Variants in EIF2AK4 observed in about 807,000 individuals in gnomAD.
EIF2AK4 encodes the protein eukaryotic translation initiation factor 2 alpha kinase 4.
EIF2AK4 carries 139 observed loss-of-function variants against 211.1 expected under a neutral mutation model. That is an observed-to-expected ratio of 0.66 (90% CI 0.57 to 0.76). EIF2AK4 has a LOEUF of 0.76. Ranked by LOEUF, EIF2AK4 falls within the 30% of genes least tolerant of loss-of-function variation. The probability of loss-of-function intolerance (pLI) is 0.00; values close to 1 mark genes in which losing one functional copy is unlikely to be tolerated. For missense variants in EIF2AK4, 1,664 were observed against 2,043.8 expected (o/e 0.81, Z 3.58); for synonymous variants, 710 against 751.3 (o/e 0.94, Z 0.90).
chr15:39,976,335 T>C (rs1002940480), intron 11 of EIF2AK4, 79 bp from the exon 12 acceptor site: 2 of 1,452,858 alleles, frequency 1.4e-6, no homozygotes, highest in African/African-American at 2.9e-5. Flanking sequence ...ACGCTTTCCT[T>C]GGGAGGGGAT....
chr15:39,960,163 CAA>C (rs926246870), intron 6 of EIF2AK4, among the ~76,000 whole-genome samples: 7 of 46,462 alleles, frequency 1.5e-4, no homozygotes, highest in Non-Finnish European at 9.3e-5. Context: ...GACTCCATCT[CAA>C]AAAAAAAAAA....
intron 22 of EIF2AK4, 122 bp downstream of exon 22, chr15:40,002,910 A>G (rs976251368): frequency 1.1e-4 from 130 of 1,143,214 alleles, no homozygotes; most frequent in Middle Eastern, 7.3e-4. Context: ...AATAATTGAC[A>G]TCATATGGAA....
chr15:39,970,096 G>A (rs977438002), intron 9 of EIF2AK4, among the ~76,000 whole-genome samples: 1 of 152,214 alleles, frequency 6.6e-6, no homozygotes, highest in African/African-American at 2.4e-5. Flanking sequence ...CTGGCACTTG[G>A]CCCAGACTGA....
chr15:39,982,616 A>G (rs112959206), intron 13 of EIF2AK4, among the ~76,000 whole-genome samples: 8,754 of 119,506 alleles, frequency 0.073, 433 homozygotes, highest in East Asian at 0.32. Context: ...GTTACATAGT[A>G]CACATGTGCC....
intron 33 of EIF2AK4, among the ~76,000 whole-genome samples, chr15:40,027,613 G>A (rs113735642): frequency 0.013 from 2,013 of 152,236 alleles, 42 homozygotes; most frequent in African/African-American, 0.047. Context: ...TTTTGTGGCC[G>A]GGCGTGGTGG....
At position 40,017,504 on chromosome 15, in the gene EIF2AK4, TATATATATATATATATATATATA is replaced by T. The variant is rs1567006772; in HGVS notation, c.4065+263_4065+285del. Among the ~76,000 whole-genome samples the T allele has an allele frequency of 0.017, 1,378 of 81,060 alleles. 210 individuals are homozygous for T. The highest frequency in any genetic ancestry group is 0.061 in the African/African-American group (1,296 of 21,318). The allele number at this position is 81,060 out of a possible 152,430, so 53.2% of individuals were successfully genotyped here. A position where few individuals can be genotyped will look rare whatever the true frequency, so the allele number is the denominator to read the frequency against. ...TCATGTACCCTTTACTCTGTTTCTA[TATATATATATATATATATATATA>T]TATATATATATATATATATATATAT... is the stretch of plus-strand genomic sequence containing the variant. On this transcript the variant is annotated intron_variant, in intron 29 of 38. Transcript: ENST00000263791.
chr15:39,978,015 G>C (rs1695149368), intron 12 of EIF2AK4, 63 bp from the exon 13 acceptor site: 2 of 1,221,102 alleles, frequency 1.6e-6, no homozygotes, highest in African/African-American at 1.5e-5. Flanking sequence ...ATTTAAAAAT[G>C]TCCATGTTTA....
intron 28 of EIF2AK4, 87 bp downstream of exon 28, chr15:40,016,759 AGTTAGT>A: frequency 2.1e-6 from 3 of 1,434,674 alleles, no homozygotes. Context: ...CACTAATGCT[AGTTAGT>A]GTTTTATTTT....
At chr15:39,937,567 G>A (rs1275319598) in intron 1 of EIF2AK4, among the ~76,000 whole-genome samples, 1 of 152,074 alleles carries the variant, frequency 6.6e-6, no homozygotes, top group African/African-American at 2.4e-5. Flanking sequence ...AATGTTGATA[G>A]AGTCAAAATG....
intron 13 of EIF2AK4, among the ~76,000 whole-genome samples, chr15:39,981,804 GACAA>G (rs996300398): frequency 6.6e-6 from 1 of 152,112 alleles, no homozygotes; most frequent in Non-Finnish European, 1.5e-5. Flanking sequence ...AGCTGTTGGG[GACAA>G]ACAGAGTAAT....
intron 6 of EIF2AK4, among the ~76,000 whole-genome samples, chr15:39,956,004 C>CTTTTT (rs11320320): frequency 9.7e-6 from 1 of 103,526 alleles, no homozygotes; most frequent in African/African-American, 4.1e-5. Flanking sequence ...TGCTCATTCC[C>CTTTTT]TTTTTTTTTT....
chr15:40,022,181 C>CGTGTGT (rs142104639), intron 31 of EIF2AK4: 18,409 of 137,524 alleles, frequency 0.13, 1,432 homozygotes, highest in Admixed American at 0.21. Flanking sequence ...GCTTTTTCAG[C>CGTGTGT]GTGTGTGTGT....
intron 22 of EIF2AK4, among the ~76,000 whole-genome samples, 155 bp downstream of exon 22, chr15:40,002,943 A>T (rs2035112379): frequency 6.6e-6 from 1 of 152,232 alleles, no homozygotes; most frequent in African/African-American, 2.4e-5. Context: ...TTTGAAACTG[A>T]TTTGAATATT....
In EIF2AK4 at chr15:39,976,861, G is replaced by C; in HGVS notation, c.2249+17G>C. ...GTCCTTCCTGTAAGCGCACGGCGCG[G>C]ACCAGCTGCCTCTGATGCGCCCCCT... On this transcript the variant is annotated intron_variant, in intron 12 of 38. Coordinates refer to ENST00000263791, the MANE Select transcript of EIF2AK4 (RefSeq NM_001013703.4). The C allele has an allele frequency of 6.9e-7, 1 of 1,454,594 alleles. No homozygotes were observed. Among genetic ancestry groups the C allele is most frequent in the Non-Finnish European group, 9.0e-7 (1 of 1,105,626 alleles). The allele number at this position is 1,454,594 out of a possible 1,614,324, so 90.1% of individuals were successfully genotyped here. A position where few individuals can be genotyped will look rare whatever the true frequency, so the allele number is the denominator to read the frequency against.
chr15:39,934,796 C>A (rs955532845), intron 1 of EIF2AK4, among the ~76,000 whole-genome samples: 2 of 152,218 alleles, frequency 1.3e-5, no homozygotes, highest in African/African-American at 4.8e-5. Flanking sequence ...TCCATGCATT[C>A]AAATCTGCAC....
intron 13 of EIF2AK4, among the ~76,000 whole-genome samples, chr15:39,983,369 A>G (rs910119888): frequency 5.3e-5 from 8 of 150,906 alleles, no homozygotes; most frequent in East Asian, 1.9e-4. Context: ...GTCTGTTCAT[A>G]TCTTTTGCCC....
chr15:39,990,578 T>G (rs1429982989), intron 16 of EIF2AK4, among the ~76,000 whole-genome samples: 1 of 152,196 alleles, frequency 6.6e-6, no homozygotes, highest in East Asian at 1.9e-4. Flanking sequence ...TGCATTCCAC[T>G]TGAGGGACAC....
At chr15:39,972,767 T>G in intron 9 of EIF2AK4, 141 bp from the exon 10 acceptor site, 30 of 634,432 alleles carry the variant, frequency 4.7e-5, no homozygotes, top group Middle Eastern at 2.7e-4. Flanking sequence ...AATTCACCTA[T>G]GAGAGTACAT....
At chr15:39,939,280 A>G (rs2034110988) in intron 1 of EIF2AK4, among the ~76,000 whole-genome samples, 1 of 152,170 alleles carries the variant, frequency 6.6e-6, no homozygotes, top group African/African-American at 2.4e-5. Flanking sequence ...TGAGTGGAAC[A>G]TTTTGGTTCA....
Sources: allele counts gnomAD v4.1 joint callset (sites outside exome capture counted in the v4.1 genomes callset), GRCh38; gene constraint gnomAD v4.1.1; transcripts MANE v1.5; gene names NCBI Gene and HGNC (gene_info 2026-07-23, HGNC 2026-07-21).